The following SNX25 variants were observed in gnomAD, a reference collection of about 807,000 sequenced individuals.
SNX25 encodes sorting nexin-25.
SNX25 carries 62 observed loss-of-function variants against 113.7 expected under a neutral mutation model. The ratio of observed to expected loss-of-function variants is 0.55; its 90% CI spans 0.44 to 0.67. The LOEUF is 0.67. Ranked by LOEUF, SNX25 falls within the 30% of genes least tolerant of loss-of-function variation. The probability of loss-of-function intolerance (pLI) is 0.00; values close to 1 mark genes in which losing one functional copy is unlikely to be tolerated. For synonymous variants in SNX25, 421 were observed against 436.2 expected (o/e 0.97, Z 0.43); for missense variants, 1,014 against 1,161.0 (o/e 0.87, Z 1.84).
At chr4:185,231,636 A>G (rs889807842) in intron 1 of SNX25, among the ~76,000 whole-genome samples, 5 of 151,484 alleles carry the variant, frequency 3.3e-5, no homozygotes, top group South Asian at 2.1e-4. Context: ...GCGTGAACCC[A>G]GGAGGTGGAG....
chr4:185,345,735 G>A (rs1476029336), intron 12 of SNX25, among the ~76,000 whole-genome samples: 1 of 151,986 alleles, frequency 6.6e-6, no homozygotes, highest in African/African-American at 2.4e-5. Flanking sequence ...AGGCTGCCAT[G>A]AGCCATGATC....
chr4:185,239,863 G>A (rs1172010465), intron 1 of SNX25, among the ~76,000 whole-genome samples: 1 of 148,602 alleles, frequency 6.7e-6, no homozygotes, highest in African/African-American at 2.5e-5. Context: ...GGGAAGGTCA[G>A]CAGATAAGTG....
chr4:185,328,340 A>AT (rs143121148), intron 9 of SNX25, among the ~76,000 whole-genome samples: 1,967 of 152,194 alleles, frequency 0.013, 44 homozygotes, highest in African/African-American at 0.044. Flanking sequence ...AGGAAAACAG[A>AT]TTTTTTCCCA....
chr4:185,255,610 G>A (rs561866671), intron 2 of SNX25, among the ~76,000 whole-genome samples: 10 of 152,154 alleles, frequency 6.6e-5, no homozygotes, highest in Non-Finnish European at 1.5e-4. Context: ...TCATGTAAAT[G>A]TGTTTTAAAC....
At chr4:185,367,988 G>C (rs925543726), downstream of SNX25, among the ~76,000 whole-genome samples, 1 of 152,096 alleles carries the variant, frequency 6.6e-6, no homozygotes, top group African/African-American at 2.4e-5. Context: ...GACCATCCCG[G>C]CTAACACAGT....
At chr4:185,205,357 GAC>G (rs1001675095), upstream of SNX25, among the ~76,000 whole-genome samples, 1 of 151,988 alleles carries the variant, frequency 6.6e-6, no homozygotes, top group African/African-American at 2.4e-5. Context: ...GGAAGGCTGA[GAC>G]AGGAGAATCG....
the SNX25 span, chr4:185,378,270 A>T: frequency 6.4e-7 from 1 of 1,574,002 alleles, no homozygotes; most frequent in Non-Finnish European, 8.6e-7. Context: ...GCAAAGAGAG[A>T]CTCTATTCCC....
intron 4 of SNX25, among the ~76,000 whole-genome samples, chr4:185,265,482 T>C (rs577276115): frequency 4.6e-4 from 70 of 152,294 alleles, no homozygotes; most frequent in African/African-American, 1.5e-3. Context: ...TACACCTATA[T>C]AGGACACTTA....
At chr4:185,315,176 C>G (rs1309878578) in intron 7 of SNX25, among the ~76,000 whole-genome samples, 1 of 150,352 alleles carries the variant, frequency 6.7e-6, no homozygotes, top group Non-Finnish European at 1.5e-5. Flanking sequence ...TGCAGTGAGC[C>G]GAGATTGTGC....
chr4:185,257,687 T>C (rs545874973), intron 2 of SNX25, among the ~76,000 whole-genome samples: 1 of 152,326 alleles, frequency 6.6e-6, no homozygotes, highest in East Asian at 1.9e-4. Flanking sequence ...TTTGTTGTGG[T>C]ATCTTTTTAC....
At chr4:185,228,345 G>C (rs1741322605) in intron 1 of SNX25, among the ~76,000 whole-genome samples, 1 of 152,058 alleles carries the variant, frequency 6.6e-6, no homozygotes. Context: ...TGGGGGGCAG[G>C]ATCAGAGCAT....
At chr4:185,219,908 C>CTTTT (rs35064352) in intron 1 of SNX25, among the ~76,000 whole-genome samples, 60 of 143,234 alleles carry the variant, frequency 4.2e-4, no homozygotes, top group African/African-American at 9.0e-4. Context: ...AGTTGTTAAT[C>CTTTT]TTTTTTTTTT....
At chr4:185,245,720 G>A (rs1032952401) in intron 1 of SNX25, among the ~76,000 whole-genome samples, 2 of 152,072 alleles carry the variant, frequency 1.3e-5, no homozygotes, top group African/African-American at 4.8e-5. Flanking sequence ...CTATACCTCC[G>A]CCTAGAGGAA....
At chr4:185,241,432 A>C (rs559018072) in intron 1 of SNX25, among the ~76,000 whole-genome samples, 6 of 140,000 alleles carry the variant, frequency 4.3e-5, no homozygotes, top group Non-Finnish European at 6.4e-5. Flanking sequence ...GCAGCAGTAC[A>C]GTCCAGCTTT....
intron 1 of SNX25, among the ~76,000 whole-genome samples, chr4:185,218,219 G>A (rs1688866095): frequency 1.3e-5 from 2 of 152,188 alleles, no homozygotes; most frequent in African/African-American, 4.8e-5. Flanking sequence ...CAAGTAGCTG[G>A]GATTACAGGC....
intron 1 of SNX25, among the ~76,000 whole-genome samples, chr4:185,224,478 TATAGATATATAA>T (rs1289449975): frequency 9.5e-5 from 12 of 126,362 alleles, no homozygotes; most frequent in Admixed American, 2.6e-4. Flanking sequence ...TATATAAATA[TATAGATATATAA>T]ATAGATATAT....
rs548766882 is a variant in SNX25 at position 185,305,777 on chromosome 4, T to G, written c.1163-4858T>G. ...TCTGATCTCAGTAGAACCTAGACTA[T>G]CTAGACGGAAAAACAGTAAATATTT... On this transcript the variant is annotated intron_variant, in intron 6 of 18. Coordinates refer to ENST00000652585, the MANE Select transcript of SNX25 (RefSeq NM_001378034.2). Among the ~76,000 whole-genome samples the G allele has an allele frequency of 2.6e-5, 4 of 152,318 alleles. No individual in the cohort carries two copies. In the South Asian group the frequency reaches 8.3e-4, roughly 32 times the overall value.
chr4:185,282,536 G>A (rs1184204311), intron 5 of SNX25, among the ~76,000 whole-genome samples: 5 of 152,160 alleles, frequency 3.3e-5, no homozygotes, highest in African/African-American at 4.8e-5. Flanking sequence ...GTTTGAGATT[G>A]TTGGGACGTG....
At chr4:185,372,989 G>A (rs144800425), downstream of SNX25, 2,436 of 1,613,914 alleles carry the variant, frequency 1.5e-3, 2 homozygotes, top group Non-Finnish European at 1.9e-3. Context: ...GTATCCTGCC[G>A]GATGCCTTGT....
Sources: gnomAD v4.1 joint callset for allele counts (sites outside exome capture counted in the v4.1 genomes callset) on GRCh38, gnomAD v4.1.1 for gene constraint, MANE v1.5 for transcripts, NCBI Gene and HGNC (gene_info 2026-07-23, HGNC 2026-07-21) for gene names.